The following SCHIP1 variants were observed in gnomAD, a reference collection of about 807,000 sequenced individuals.
SCHIP1 encodes the protein schwannomin interacting protein 1.
In SCHIP1, 8 loss-of-function variants were observed where a neutral mutation model predicts 29.7. The ratio of observed to expected loss-of-function variants is 0.27; its 90% confidence interval spans 0.16 to 0.49. The LOEUF (loss-of-function observed/expected upper bound fraction) is 0.49. SCHIP1 is among the 20% of genes least tolerant of loss of function. The probability of loss-of-function intolerance (pLI) is 0.99; values close to 1 mark genes in which losing one functional copy is unlikely to be tolerated. For missense variants in SCHIP1, 193 were observed against 294.6 expected (o/e 0.66, Z 2.52); for synonymous variants, 76 against 94.9 (o/e 0.80, Z 1.16).
At chr3:159,392,599 G>T in the SCHIP1 span, among the ~76,000 whole-genome samples, 1 of 151,888 alleles carries the variant, frequency 6.6e-6, no homozygotes, top group Admixed American at 6.6e-5. Context: ...TACTGAGAAT[G>T]ATGATTTCCA....
the SCHIP1 span, among the ~76,000 whole-genome samples, chr3:159,582,231 T>C: frequency 0.2 from 31,091 of 152,094 alleles, 8,652 homozygotes; most frequent in African/African-American, 0.63. Context: ...AGTGCAGTGG[T>C]ATGATCATAG....
the SCHIP1 span, among the ~76,000 whole-genome samples, chr3:159,802,142 C>A: frequency 6.6e-6 from 1 of 152,114 alleles, no homozygotes; most frequent in African/African-American, 2.4e-5. Flanking sequence ...ATTGTAACAC[C>A]TTTATGTGCT....
chr3:159,471,956 A>G, the SCHIP1 span, among the ~76,000 whole-genome samples: 2 of 152,160 alleles, frequency 1.3e-5, no homozygotes, highest in African/African-American at 4.8e-5. Context: ...AAAGACATAT[A>G]TGCAGTATAA....
chr3:159,283,513 CTT>C, the SCHIP1 span, among the ~76,000 whole-genome samples: 59 of 145,450 alleles, frequency 4.1e-4, no homozygotes, highest in South Asian at 1.1e-3. Flanking sequence ...GGATTATTTC[CTT>C]TTTTTTTTTT....
the SCHIP1 span, among the ~76,000 whole-genome samples, chr3:159,485,456 C>T: frequency 6.6e-5 from 10 of 152,180 alleles, no homozygotes; most frequent in Non-Finnish European, 1.5e-5. Context: ...GTAGAAAGAG[C>T]TGTGCTTTTG....
the SCHIP1 span, among the ~76,000 whole-genome samples, chr3:159,734,729 G>A: frequency 6.7e-6 from 1 of 150,348 alleles, no homozygotes; most frequent in South Asian, 2.1e-4. Flanking sequence ...ATTAGGATCA[G>A]AAGACCCCAG....
At chr3:159,455,441 C>T in the SCHIP1 span, among the ~76,000 whole-genome samples, 1 of 152,162 alleles carries the variant, frequency 6.6e-6, no homozygotes, top group Non-Finnish European at 1.5e-5. Flanking sequence ...TTGCACTTTA[C>T]AGTTTACAAA....
the SCHIP1 span, among the ~76,000 whole-genome samples, chr3:159,276,420 G>A: frequency 6.6e-6 from 1 of 152,100 alleles, no homozygotes; most frequent in African/African-American, 2.4e-5. Flanking sequence ...GGGGCACAGT[G>A]GACATTAGAG....
At chr3:159,703,679 A>G in the SCHIP1 span, among the ~76,000 whole-genome samples, 4 of 152,210 alleles carry the variant, frequency 2.6e-5, no homozygotes, top group Admixed American at 6.5e-5. Context: ...AAGCATGTGG[A>G]TGGCTTCCAC....
chr3:159,882,897 T>C (rs1716587550), intron 2 of SCHIP1, among the ~76,000 whole-genome samples: 1 of 152,160 alleles, frequency 6.6e-6, no homozygotes, highest in African/African-American at 2.4e-5. Context: ...TCCTGGCCAG[T>C]AGGCACTGTC....
At chr3:159,795,191 C>T in the SCHIP1 span, among the ~76,000 whole-genome samples, 3 of 152,152 alleles carry the variant, frequency 2.0e-5, no homozygotes, top group Admixed American at 6.5e-5. Flanking sequence ...AAAGACTCTC[C>T]GTGACCTTAG....
the SCHIP1 span, among the ~76,000 whole-genome samples, chr3:159,609,903 T>A: frequency 1.3e-5 from 2 of 152,040 alleles, no homozygotes; most frequent in Non-Finnish European, 2.9e-5. Context: ...TAATCAGACA[T>A]GCATTATGGA....
At chr3:159,700,214 G>A in the SCHIP1 span, among the ~76,000 whole-genome samples, 1 of 152,178 alleles carries the variant, frequency 6.6e-6, no homozygotes, top group Non-Finnish European at 1.5e-5. Flanking sequence ...TCGGTTTGCA[G>A]TATACACAGG....
At chr3:159,421,951 AAAGT>A in the SCHIP1 span, among the ~76,000 whole-genome samples, 1 of 152,340 alleles carries the variant, frequency 6.6e-6, no homozygotes, top group East Asian at 1.9e-4. Context: ...TCGGGGAAAG[AAAGT>A]AAGTTAAGTG....
intron 1 of SCHIP1, among the ~76,000 whole-genome samples, chr3:159,864,467 T>TA (rs1714392169): frequency 9.9e-6 from 1 of 101,190 alleles, no homozygotes; most frequent in Non-Finnish European, 2.1e-5. Flanking sequence ...CTTATGGCTG[T>TA]ACTACACACA....
the SCHIP1 span, among the ~76,000 whole-genome samples, chr3:159,419,970 G>A: frequency 0.39 from 59,481 of 152,040 alleles, 12,414 homozygotes; most frequent in Non-Finnish European, 0.47. Context: ...ATTTGAGGAA[G>A]GTCTAAAATT....
chr3:159,275,099 T>C, the SCHIP1 span: 1 of 964,984 alleles, frequency 1.0e-6, no homozygotes. Context: ...TGTAACAATT[T>C]TATATAAAGG....
the SCHIP1 span, among the ~76,000 whole-genome samples, chr3:159,348,099 A>G: frequency 6.6e-6 from 1 of 152,182 alleles, no homozygotes; most frequent in African/African-American, 2.4e-5. Flanking sequence ...TGATTTGACA[A>G]GTTGTAAAAA....
chr3:159,887,747 G>A (rs1717105933), exon 4 of SCHIP1: 4 of 1,614,014 alleles, frequency 2.5e-6, no homozygotes, highest in Non-Finnish European at 3.4e-6. Flanking sequence ...AGACACTACT[G>A]AAGAGGAGTC....
Sources: allele counts gnomAD v4.1 joint callset (sites outside exome capture counted in the v4.1 genomes callset), GRCh38; gene constraint gnomAD v4.1.1; transcripts MANE v1.5; gene names NCBI Gene and HGNC (gene_info 2026-07-23, HGNC 2026-07-21).